The following LRRTM4 variants were observed in gnomAD, a reference collection of about 807,000 sequenced individuals.
LRRTM4 encodes the protein leucine rich repeat transmembrane neuronal 4.
A neutral mutation model predicts 47.6 loss-of-function variants in LRRTM4; 25 were observed. The ratio of observed to expected loss-of-function variants is 0.53; its 90% CI spans 0.38 to 0.73. The LOEUF is 0.73. Ranked by LOEUF, LRRTM4 falls within the 30% of genes least tolerant of loss-of-function variation. LRRTM4 has a pLI of 0.00. For missense variants in LRRTM4, 638 were observed against 713.4 expected (o/e 0.89, Z 1.20); for synonymous variants, 311 against 269.5 (o/e 1.15, Z -1.51).
chr2:77,273,423 G>T lies in LRRTM4; in HGVS notation c.1551+244895C>A, dbSNP rs1014862287. Reference sequence around the variant, plus strand: ...CACTATGGCAAAATTTTTAATTAATGTAATTCTGTTTTTATTTTAGTATGA... The same window carrying T: ...CACTATGGCAAAATTTTTAATTAATTTAATTCTGTTTTTATTTTAGTATGA... On this transcript the variant is annotated intron_variant, in intron 3 of 3. Coordinates refer to ENST00000409884, the MANE Select transcript of LRRTM4 (RefSeq NM_001134745.3). 2.6e-5 allele frequency among the ~76,000 whole-genome samples: 4 copies of T among 152,010 alleles called. 1 individual carries two copies. The highest frequency in any genetic ancestry group is 2.0e-4 in the Admixed American group (3 of 15,242).
chr2:77,075,731 A>T (rs1222487684), intron 3 of LRRTM4, among the ~76,000 whole-genome samples: 2 of 150,672 alleles, frequency 1.3e-5, no homozygotes, highest in Non-Finnish European at 1.5e-5. Flanking sequence ...CTGGCTAACA[A>T]GGTGAAACCC....
chr2:77,200,571 A>C (rs2103898405), intron 3 of LRRTM4, among the ~76,000 whole-genome samples: 1 of 152,276 alleles, frequency 6.6e-6, no homozygotes, highest in Admixed American at 6.5e-5. Flanking sequence ...GCATGTTCTT[A>C]GAGAAATATT....
intron 3 of LRRTM4, among the ~76,000 whole-genome samples, chr2:77,426,635 C>T (rs186053219): frequency 2.5e-4 from 38 of 152,286 alleles, no homozygotes; most frequent in Non-Finnish European, 4.6e-4. Flanking sequence ...TGAGTGGTTT[C>T]TCACAATATC....
At chr2:77,460,289 G>T (rs1424948665) in intron 3 of LRRTM4, among the ~76,000 whole-genome samples, 1 of 152,072 alleles carries the variant, frequency 6.6e-6, no homozygotes, top group African/African-American at 2.4e-5. Flanking sequence ...CATATTAACT[G>T]CATTTTATTA....
At chr2:77,166,302 A>T (rs538714303) in intron 3 of LRRTM4, among the ~76,000 whole-genome samples, 1 of 152,106 alleles carries the variant, frequency 6.6e-6, no homozygotes, top group Admixed American at 6.6e-5. Flanking sequence ...TCAATGAAAT[A>T]AGAGGACACA....
At chr2:76,919,307 A>C (rs1032564728) in intron 3 of LRRTM4, among the ~76,000 whole-genome samples, 9 of 152,300 alleles carry the variant, frequency 5.9e-5, no homozygotes, top group African/African-American at 2.2e-4. Flanking sequence ...TTTTTAGTAT[A>C]AACTAAGTGA....
chr2:76,954,181 A>T (rs1042086819), intron 3 of LRRTM4, among the ~76,000 whole-genome samples: 11 of 151,918 alleles, frequency 7.2e-5, no homozygotes, highest in Non-Finnish European at 1.6e-4. Context: ...ATGTAAAGAA[A>T]TAGAAATAAG....
intron 3 of LRRTM4, among the ~76,000 whole-genome samples, chr2:77,048,235 G>A (rs1052306128): frequency 6.6e-6 from 1 of 152,032 alleles, no homozygotes; most frequent in African/African-American, 2.4e-5. Flanking sequence ...GTATGTGTGT[G>A]CATGTGTGTG....
chr2:76,901,418 A>G (rs983402994), intron 3 of LRRTM4, among the ~76,000 whole-genome samples: 2 of 152,130 alleles, frequency 1.3e-5, no homozygotes, highest in South Asian at 4.1e-4. Context: ...TCCATGGTCT[A>G]TATGTACCAC....
intron 3 of LRRTM4, among the ~76,000 whole-genome samples, chr2:77,069,680 T>C (rs868796031): frequency 6.6e-6 from 1 of 152,142 alleles, no homozygotes; most frequent in Non-Finnish European, 1.5e-5. Context: ...TTCCTAGTTA[T>C]GTACAGCTTC....
Position 77,325,075 on chromosome 2 carries a change from T to G in LRRTM4, c.1551+193243A>C, listed in dbSNP as rs149783556. Among the ~76,000 whole-genome samples, 872 of 152,258 alleles carry G rather than the reference T, an allele frequency of 5.7e-3. 8 individuals carry two copies. Among genetic ancestry groups the G allele is most frequent in the African/African-American group, 0.02 (833 of 41,548 alleles). ...TTTAGTTGTTTGCTTGGCTCACAATTTCTCCTTTCTGCAGAGAAACACAAG... is the reference window on the plus strand; with the variant it reads ...TTTAGTTGTTTGCTTGGCTCACAATGTCTCCTTTCTGCAGAGAAACACAAG... On this transcript the variant is annotated intron_variant, in intron 3 of 3. Transcript: ENST00000409884.
At chr2:77,085,882 T>G (rs1395924193) in intron 3 of LRRTM4, among the ~76,000 whole-genome samples, 1 of 152,166 alleles carries the variant, frequency 6.6e-6, no homozygotes, top group African/African-American at 2.4e-5. Context: ...AGATTTCCTG[T>G]TGGCCTATTT....
At chr2:77,380,151 A>C (rs1672995280) in intron 3 of LRRTM4, among the ~76,000 whole-genome samples, 1 of 152,180 alleles carries the variant, frequency 6.6e-6, no homozygotes, top group Admixed American at 6.6e-5. Context: ...AACAAGGGCA[A>C]CTATTGCATG....
intron 3 of LRRTM4, among the ~76,000 whole-genome samples, chr2:77,026,352 C>T (rs1678453501): frequency 6.6e-6 from 1 of 152,142 alleles, no homozygotes; most frequent in East Asian, 1.9e-4. Context: ...AGTTAAAATC[C>T]TTGTGCAACT....
intron 3 of LRRTM4, among the ~76,000 whole-genome samples, chr2:77,067,720 C>CACACACAT (rs1282469763): frequency 7.3e-5 from 11 of 150,184 alleles, no homozygotes; most frequent in Admixed American, 2.0e-4. Flanking sequence ...CACACACATA[C>CACACACAT]ATATTTCAGG....
intron 3 of LRRTM4, among the ~76,000 whole-genome samples, chr2:77,495,828 T>C (rs976203474): frequency 2.6e-5 from 4 of 152,030 alleles, no homozygotes; most frequent in African/African-American, 9.7e-5. Context: ...GCTTTGTTCT[T>C]CCTTTACACA....
At chr2:77,152,108 A>G (rs1672446173) in intron 3 of LRRTM4, among the ~76,000 whole-genome samples, 1 of 152,134 alleles carries the variant, frequency 6.6e-6, no homozygotes, top group South Asian at 2.1e-4. Context: ...TGCCACCTTC[A>G]CCACCTAACG....
chr2:77,497,247 G>T (rs201216363), intron 3 of LRRTM4, among the ~76,000 whole-genome samples: 1 of 151,332 alleles, frequency 6.6e-6, no homozygotes, highest in Admixed American at 6.6e-5. Flanking sequence ...TAAAGAATCA[G>T]CTTTTAGTTT....
intron 3 of LRRTM4, among the ~76,000 whole-genome samples, chr2:77,431,785 G>A (rs1675384639): frequency 6.7e-6 from 1 of 148,934 alleles, no homozygotes; most frequent in Admixed American, 6.6e-5. Context: ...CTAAGAAATT[G>A]GTAATTGGGG....
Sources: allele counts gnomAD v4.1 joint callset (sites outside exome capture counted in the v4.1 genomes callset), GRCh38; gene constraint gnomAD v4.1.1; transcripts MANE v1.5; gene names NCBI Gene and HGNC (gene_info 2026-07-23, HGNC 2026-07-21).